RANBP2: variants seen among roughly 807,000 people sequenced by gnomAD.
RANBP2 encodes E3 SUMO-protein ligase RanBP2.
Under a neutral mutation model 303.6 loss-of-function variants are expected in RANBP2, and 57 were observed. The observed-to-expected ratio is 0.19, with a 90% CI of 0.15 to 0.23. RANBP2 has a LOEUF of 0.23. RANBP2 is among the 10% of genes least tolerant of loss of function. RANBP2 has a pLI of 1.00. For missense variants in RANBP2, 3,138 were observed against 3,780.8 expected, an observed-to-expected ratio of 0.83 and a Z score of 4.46; for synonymous variants, 1,167 against 1,301.5, an observed-to-expected ratio of 0.90 and a Z score of 2.23.
the RANBP2 span, among the ~76,000 whole-genome samples, chr2:108,805,936 A>G: frequency 6.6e-6 from 1 of 152,252 alleles, no homozygotes; most frequent in East Asian, 1.9e-4. Context: ...AAATTGGAGT[A>G]AACCCCGTCA....
the RANBP2 span, among the ~76,000 whole-genome samples, chr2:109,312,983 A>G: frequency 6.6e-6 from 1 of 152,134 alleles, no homozygotes; most frequent in Non-Finnish European, 1.5e-5. Context: ...ACTTTTATCT[A>G]CAGTAATGCG....
At chr2:109,050,608 A>G in the RANBP2 span, among the ~76,000 whole-genome samples, 1 of 152,116 alleles carries the variant, frequency 6.6e-6, no homozygotes, top group Non-Finnish European at 1.5e-5. Flanking sequence ...CATGTGGCTC[A>G]TATTTCTACT....
the RANBP2 span, among the ~76,000 whole-genome samples, chr2:109,023,604 A>G: frequency 6.6e-6 from 1 of 152,086 alleles, no homozygotes; most frequent in African/African-American, 2.4e-5. Context: ...GGAATTTGAG[A>G]CCAGCCTGGA....
chr2:108,977,685 T>A, the RANBP2 span, among the ~76,000 whole-genome samples: 2 of 152,096 alleles, frequency 1.3e-5, no homozygotes, highest in African/African-American at 4.8e-5. Flanking sequence ...TAGGAGTCAC[T>A]GTTGTTTCAA....
At chr2:109,732,903 G>T in the RANBP2 span, 1 of 863,880 alleles carries the variant, frequency 1.2e-6, no homozygotes, top group Non-Finnish European at 1.9e-6. Flanking sequence ...CTAGATGGAA[G>T]AACACTATGT....
the RANBP2 span, among the ~76,000 whole-genome samples, chr2:109,716,240 A>T: frequency 6.6e-6 from 1 of 151,488 alleles, no homozygotes; most frequent in Non-Finnish European, 1.5e-5. Context: ...TTATTATTTT[A>T]TTTTTTTTAA....
the RANBP2 span, chr2:109,501,991 G>A: frequency 6.7e-6 from 2 of 296,396 alleles, no homozygotes; most frequent in African/African-American, 4.2e-5. Flanking sequence ...AGCCATGGCA[G>A]CGTTCTCATT....
chr2:108,978,401 T>G, the RANBP2 span, among the ~76,000 whole-genome samples: 1 of 152,068 alleles, frequency 6.6e-6, no homozygotes, highest in Admixed American at 6.6e-5. Context: ...AACAAAAATA[T>G]CAAACTTGGT....
chr2:108,987,619 C>G, the RANBP2 span, among the ~76,000 whole-genome samples: 1 of 152,246 alleles, frequency 6.6e-6, no homozygotes, highest in African/African-American at 2.4e-5. Context: ...AAAGACTGGT[C>G]CTTCCAAGAT....
At chr2:109,710,837 C>A in the RANBP2 span, among the ~76,000 whole-genome samples, 1 of 152,132 alleles carries the variant, frequency 6.6e-6, no homozygotes, top group African/African-American at 2.4e-5. Flanking sequence ...AAGTCAGCAG[C>A]TTTGGCATAG....
chr2:109,343,676 G>A, the RANBP2 span, among the ~76,000 whole-genome samples: 4 of 151,998 alleles, frequency 2.6e-5, no homozygotes, highest in Non-Finnish European at 5.9e-5. Flanking sequence ...GTTACCACCT[G>A]TGGAGAGGTG....
the RANBP2 span, among the ~76,000 whole-genome samples, chr2:109,294,284 G>A: frequency 3.0e-4 from 45 of 152,270 alleles, no homozygotes; most frequent in Admixed American, 8.5e-4. Context: ...TTGCTGTGCC[G>A]TGTGCGGTGG....
the RANBP2 span, among the ~76,000 whole-genome samples, chr2:109,329,587 C>T: frequency 6.6e-6 from 1 of 152,208 alleles, no homozygotes; most frequent in Non-Finnish European, 1.5e-5. Flanking sequence ...AGGTGGAAGG[C>T]TGATGATAAG....
the RANBP2 span, among the ~76,000 whole-genome samples, chr2:109,100,008 A>G: frequency 6.6e-6 from 1 of 152,208 alleles, no homozygotes; most frequent in Non-Finnish European, 1.5e-5. Flanking sequence ...TTATAGAGAG[A>G]CAGTATTTCA....
the RANBP2 span, among the ~76,000 whole-genome samples, chr2:109,093,422 A>AAG: frequency 4.6e-5 from 7 of 151,394 alleles, no homozygotes; most frequent in Non-Finnish European, 7.4e-5. Context: ...AAAAAAAAAA[A>AAG]AAAGAAAGAA....
the RANBP2 span, chr2:109,615,751 C>G: frequency 1.2e-6 from 2 of 1,614,036 alleles, no homozygotes; most frequent in East Asian, 2.2e-5. Flanking sequence ...GTGCTTCCCT[C>G]GCATCTCATC....
the RANBP2 span, among the ~76,000 whole-genome samples, chr2:109,243,250 A>C: frequency 1.3e-5 from 2 of 152,250 alleles, no homozygotes; most frequent in Non-Finnish European, 2.9e-5. Context: ...CCCATCAGCA[A>C]CTGCCAGTCC....
chr2:108,923,504 C>A, the RANBP2 span: 1 of 1,555,956 alleles, frequency 6.4e-7, no homozygotes, highest in Non-Finnish European at 8.9e-7. Flanking sequence ...GGACAGCACA[C>A]AGGCAGGGAC....
chr2:109,475,087 C>T, the RANBP2 span, among the ~76,000 whole-genome samples: 13 of 152,304 alleles, frequency 8.5e-5, no homozygotes, highest in African/African-American at 3.1e-4. Context: ...GAGCGATCCT[C>T]CTGCCTCAGC....
Sources: allele counts gnomAD v4.1 joint callset (sites outside exome capture counted in the v4.1 genomes callset), GRCh38; gene constraint gnomAD v4.1.1; transcripts MANE v1.5; gene names NCBI Gene and HGNC (gene_info 2026-07-23, HGNC 2026-07-21).